The following EPG5 variants were observed in gnomAD, a reference collection of about 807,000 sequenced individuals.
EPG5 encodes ectopic P granules protein 5 homolog.
Under a neutral mutation model 302.7 loss-of-function variants are expected in EPG5, and 159 were observed. The observed-to-expected ratio is 0.53, with a 90% confidence interval of 0.46 to 0.60. The LOEUF is 0.60. Among genes scored for constraint, EPG5 ranks in the 20% least tolerant of loss-of-function variants. EPG5 has a pLI of 0.00. For synonymous variants in EPG5, 1,158 were observed against 1,136.8 expected, an observed-to-expected ratio of 1.02 and a Z score of -0.37; for missense variants, 2,896 against 3,092.4, an observed-to-expected ratio of 0.94 and a Z score of 1.51.
At position 45,880,111 on chromosome 18, in the gene EPG5, A is replaced by C; in HGVS notation, c.5631T>G (p.Leu1877=). 1 of 1,610,266 alleles carries C rather than the reference A, an allele frequency of 6.2e-7. No homozygotes were observed. The highest frequency in any genetic ancestry group is 8.5e-7 in the Non-Finnish European group (1 of 1,177,472). The change falls in exon 32 of 44, where the codon CTT becomes CTG. Residue 1877 remains leucine, a synonymous_variant. Transcript: ENST00000282041. ...QGAASTEGAV[L]PSSSDALLSD... ...ACAAGAGAGCATCAGAAGAGCTGGG[A>C]AGCACGGCGCCCTCGGTGGACGCTG... is the stretch of plus-strand genomic sequence containing the variant.
the EPG5 span, among the ~76,000 whole-genome samples, chr18:45,825,308 GAGGA>G: frequency 6.7e-6 from 1 of 148,260 alleles, no homozygotes; most frequent in Non-Finnish European, 1.5e-5. Flanking sequence ...GGGAGGAAGA[GAGGA>G]AGGAAGGAAA....
chr18:45,943,303 A>C lies in EPG5; in HGVS notation c.1801T>G (p.Leu601Val). 1 of 1,613,928 alleles carries C rather than the reference A, an allele frequency of 6.2e-7. No homozygotes were observed. The highest frequency in any genetic ancestry group is 8.5e-7 in the Non-Finnish European group (1 of 1,179,830). The change falls in exon 9 of 44, where the codon TTA becomes GTA. Residue 601 changes from leucine (L) to valine (V), a missense_variant. Around this residue, in one of 5 missense-constraint regions of EPG5, gnomAD observed 1,390 missense variants for 1,430.0 expected, o/e 0.97. Coordinates refer to ENST00000282041, the MANE Select transcript of EPG5 (RefSeq NM_020964.3). ...LLGFKAKGDYLPETTRPQEMM... is the reference protein window; with the variant it reads ...LLGFKAKGDYVPETTRPQEMM... ...TCTTGAGGTCTTGTTGTTTCAGGTAAATAATCACCTAGAAGTTAATCAGAT... is the reference window on the plus strand; with the variant it reads ...TCTTGAGGTCTTGTTGTTTCAGGTACATAATCACCTAGAAGTTAATCAGAT...
intron 38 of EPG5, among the ~76,000 whole-genome samples, chr18:45,866,200 ACCT>A (rs2048743822): frequency 6.6e-6 from 1 of 150,656 alleles, no homozygotes; most frequent in Admixed American, 6.6e-5. Flanking sequence ...GCTCACTGCA[ACCT>A]CCTCCTCCTG....
Position 45,903,963 on chromosome 18 carries a change from C to G in EPG5, c.4474+10G>C. 1 of 1,603,318 alleles carries G rather than the reference C, an allele frequency of 6.2e-7. No individual in the cohort carries two copies. The highest frequency in any genetic ancestry group is 8.5e-7 in the Non-Finnish European group (1 of 1,177,558). ...ACTCATTCGAAGGGGCAGGTGCTCC[C>G]AGGACCCACCCAGCAAAGGATCAGT... is the stretch of plus-strand genomic sequence containing the variant. On this transcript the variant is annotated intron_variant, in intron 25 of 43. Transcript: ENST00000282041.
the EPG5 span, among the ~76,000 whole-genome samples, chr18:45,820,888 G>C: frequency 6.6e-6 from 1 of 152,276 alleles, no homozygotes; most frequent in South Asian, 2.1e-4. Context: ...ATTTGTTTGG[G>C]AAAGACTCAT....
chr18:45,915,685 C>T, intron 19 of EPG5, 64 bp from the exon 20 acceptor site: 1 of 1,214,256 alleles, frequency 8.2e-7, no homozygotes, highest in Non-Finnish European at 1.2e-6. Flanking sequence ...ATGACCTTTA[C>T]AAGAGTATCA....
downstream of EPG5, among the ~76,000 whole-genome samples, chr18:45,844,768 G>T (rs2048351436): frequency 6.6e-6 from 1 of 152,174 alleles, no homozygotes; most frequent in South Asian, 2.1e-4. Flanking sequence ...GAGCAGGCTT[G>T]TGTACCTCCT....
chr18:45,866,745 T>C, intron 38 of EPG5, 53 bp downstream of exon 38: 5 of 1,408,600 alleles, frequency 3.5e-6, no homozygotes, highest in East Asian at 2.3e-5. Context: ...GCACTTATGC[T>C]GCTACCAATC....
intron 1 of EPG5, among the ~76,000 whole-genome samples, chr18:45,966,694 A>G (rs2051271455): frequency 6.6e-6 from 1 of 152,210 alleles, no homozygotes. Context: ...TATCATCTTG[A>G]ACTTTCAAAG....
intron 28 of EPG5, 83 bp downstream of exon 28, chr18:45,889,715 G>A (rs1235508772): frequency 8.1e-7 from 1 of 1,242,198 alleles, no homozygotes; most frequent in South Asian, 1.7e-5. Flanking sequence ...GTGCTGCAGG[G>A]GTGGTGGTGG....
intron 7 of EPG5, among the ~76,000 whole-genome samples, chr18:45,944,586 C>G (rs1486245834): frequency 1.3e-5 from 2 of 152,128 alleles, no homozygotes; most frequent in Non-Finnish European, 2.9e-5. Context: ...GAAACCCCAT[C>G]TCTACTAAAA....
At chr18:45,803,828 C>G in the EPG5 span, among the ~76,000 whole-genome samples, 1 of 152,176 alleles carries the variant, frequency 6.6e-6, no homozygotes, top group African/African-American at 2.4e-5. Flanking sequence ...AAATTCAAAA[C>G]TCTTTGAAAG....
the EPG5 span, among the ~76,000 whole-genome samples, chr18:45,833,493 A>G: frequency 6.6e-6 from 1 of 151,902 alleles, no homozygotes; most frequent in African/African-American, 2.4e-5. Flanking sequence ...TTGTATTTTT[A>G]GTAGAGACGG....
intron 32 of EPG5, among the ~76,000 whole-genome samples, chr18:45,879,724 C>A (rs1030064886): frequency 1.3e-5 from 2 of 152,174 alleles, no homozygotes; most frequent in Non-Finnish European, 2.9e-5. Flanking sequence ...CAAATAAATT[C>A]TCATGCAAAT....
At chr18:45,883,012 CAAAA>C (rs35030980) in intron 30 of EPG5, among the ~76,000 whole-genome samples, 1 of 87,452 alleles carries the variant, frequency 1.1e-5, no homozygotes. Flanking sequence ...CGTCTCACAA[CAAAA>C]AAAAAAAAAA....
Position 45,904,037 on chromosome 18 carries a change from C to T in EPG5, c.4410G>A (p.Lys1470=), listed in dbSNP as rs761926136. ...TGCAGGGTGTGGAATGGGACTCAAG[C>T]TTGGCCTGTGTCCACAGACCAACAG... ...QETVGLWTQA[K]LESHSTPCSL... Residue 1470 remains lysine, a synonymous_variant, in exon 25 of 44, where the codon AAG becomes AAA. Coordinates refer to ENST00000282041, the MANE Select transcript of EPG5 (RefSeq NM_020964.3). 9 of 1,613,442 alleles carry T rather than the reference C, an allele frequency of 5.6e-6. No individual in the cohort carries two copies. The highest frequency in any genetic ancestry group is 7.6e-6 in the Non-Finnish European group (9 of 1,179,914).
chr18:45,901,951 C>T (rs565858089), intron 25 of EPG5, among the ~76,000 whole-genome samples: 12 of 152,312 alleles, frequency 7.9e-5, no homozygotes, highest in Non-Finnish European at 1.2e-4. Context: ...TCTCCCTTCA[C>T]CACACTATAC....
chr18:45,828,299 A>G, the EPG5 span, among the ~76,000 whole-genome samples: 1 of 152,122 alleles, frequency 6.6e-6, no homozygotes, highest in South Asian at 2.1e-4. Flanking sequence ...TCTACTTTCC[A>G]TGTCCTCCCC....
At chr18:45,879,405 T>C (rs1018023315) in intron 32 of EPG5, among the ~76,000 whole-genome samples, 191 bp from the exon 33 acceptor site, 3 of 152,256 alleles carry the variant, frequency 2.0e-5, no homozygotes, top group Non-Finnish European at 2.9e-5. Flanking sequence ...TCTTGCTCTG[T>C]CGCCTAGGCT....
Sources: gnomAD v4.1 joint callset for allele counts (sites outside exome capture counted in the v4.1 genomes callset) on GRCh38, gnomAD v4.1.1 for gene constraint, gnomAD v4.1.1 regional missense constraint, MANE v1.5 for transcripts, NCBI Gene and HGNC (gene_info 2026-07-23, HGNC 2026-07-21) for gene names.